Variants in PIKFYVE observed in about 807,000 individuals in gnomAD.
PIKFYVE encodes the protein phosphoinositide kinase, FYVE-type zinc finger containing, also known as 1-phosphatidylinositol 3-phosphate 5-kinase.
In PIKFYVE, 122 loss-of-function variants were observed where a neutral mutation model predicts 257.9. The ratio of observed to expected loss-of-function variants is 0.47; its 90% CI spans 0.41 to 0.55. The LOEUF (loss-of-function observed/expected upper bound fraction) is 0.55, where lower values mean the gene tolerates loss of function less well. Among genes scored for constraint, PIKFYVE ranks in the 20% least tolerant of loss-of-function variants. PIKFYVE has a pLI of 0.00. For synonymous variants in PIKFYVE, 892 were observed against 868.9 expected (o/e 1.03, Z -0.47); for missense variants, 2,160 against 2,536.6 (o/e 0.85, Z 3.19).
Position 208,326,316 on chromosome 2 carries a change from C to T in PIKFYVE, c.3505C>T (p.Pro1169Ser), listed in dbSNP as rs769316348. 1.2e-6 allele frequency: 2 copies of T among 1,609,368 alleles called. No homozygotes were observed. Among genetic ancestry groups the T allele is most frequent in the African/African-American group, 1.3e-5 (1 of 74,686 alleles). Residue 1169 changes from proline (P) to serine (S), a missense_variant, in exon 20 of 42, where the codon CCT becomes TCT. By Grantham distance (74) the Pro-to-Ser change is moderately conservative. Transcript: ENST00000264380. Reference sequence around the variant, plus strand: ...AAGAATTCAGCCCAAAAATTCAGACCCTTTTGCTCATTCAAAGGATGCATC... The same window carrying T: ...AAGAATTCAGCCCAAAAATTCAGACTCTTTTGCTCATTCAAAGGATGCATC... ...GGRIQPKNSD[P>S]FAHSKDASST...
In PIKFYVE at chr2:208,320,376, G is replaced by A. The variant is rs906515839; in HGVS notation, c.2190+17G>A. On this transcript the variant is annotated intron_variant, in intron 17 of 41. Coordinates refer to ENST00000264380, the MANE Select transcript of PIKFYVE (RefSeq NM_015040.4). ...GTGCTTCAGGTAAGAATTTACTACT[G>A]AAAATAATAATTTAGAGGGATGTTT... The A allele has an allele frequency of 3.1e-6, 5 of 1,609,470 alleles. No homozygotes were observed. Among genetic ancestry groups the A allele is most frequent in the Non-Finnish European group, 4.2e-6 (5 of 1,176,796 alleles).
chr2:208,268,454 A>G (rs1688966968), intron 1 of PIKFYVE, among the ~76,000 whole-genome samples: 1 of 147,304 alleles, frequency 6.8e-6, no homozygotes, highest in African/African-American at 2.5e-5. Flanking sequence ...TTCCCTAAAT[A>G]AAATAGAGAT....
intron 36 of PIKFYVE, among the ~76,000 whole-genome samples, 155 bp from the exon 37 acceptor site, chr2:208,350,616 A>G (rs1258269121): frequency 4.6e-5 from 7 of 152,198 alleles, no homozygotes; most frequent in Non-Finnish European, 8.8e-5. Flanking sequence ...GTTTAACAAA[A>G]TTGTGATAAA....
At chr2:208,319,004 T>C (rs1201134327) in intron 16 of PIKFYVE, among the ~76,000 whole-genome samples, 2 of 151,886 alleles carry the variant, frequency 1.3e-5, no homozygotes, top group African/African-American at 2.4e-5. Flanking sequence ...GTGTCATTTG[T>C]TGGTCCTTGC....
intron 32 of PIKFYVE, among the ~76,000 whole-genome samples, chr2:208,343,328 A>G (rs1262011346): frequency 6.6e-6 from 1 of 152,154 alleles, no homozygotes; most frequent in Non-Finnish European, 1.5e-5. Flanking sequence ...TTTTTGTACC[A>G]TTCACTCATT....
At chr2:208,288,275 C>T (rs983413782) in intron 6 of PIKFYVE, among the ~76,000 whole-genome samples, 13 of 152,116 alleles carry the variant, frequency 8.5e-5, no homozygotes, top group Middle Eastern at 3.4e-3. Flanking sequence ...TGAGGTTTAG[C>T]GAGATTAAGT....
chr2:208,290,644 T>C (rs968544274), intron 7 of PIKFYVE, among the ~76,000 whole-genome samples: 3 of 152,202 alleles, frequency 2.0e-5, no homozygotes, highest in African/African-American at 7.2e-5. Flanking sequence ...GGAGCATGAT[T>C]GCTGAGTCCT....
At chr2:208,307,458 C>G (rs1305998504) in intron 12 of PIKFYVE, among the ~76,000 whole-genome samples, 1 of 152,102 alleles carries the variant, frequency 6.6e-6, no homozygotes, top group East Asian at 1.9e-4. Context: ...TTTAGGCAAA[C>G]TGTATGCCAG....
chr2:208,292,322 G>A (rs1353561330), intron 7 of PIKFYVE, among the ~76,000 whole-genome samples: 1 of 152,066 alleles, frequency 6.6e-6, no homozygotes, highest in Non-Finnish European at 1.5e-5. Context: ...CTGATTAATG[G>A]TGTTGTTGAG....
rs761458286 is a variant in PIKFYVE, at chr2:208,325,758, C to T, written c.2947C>T (p.Pro983Ser). 3.7e-6 allele frequency: 6 copies of T among 1,613,662 alleles called. No homozygotes were observed. Among genetic ancestry groups the T allele is most frequent in the Non-Finnish European group, 5.1e-6 (6 of 1,179,818 alleles). ...TGTACCGGAATCATTGTTGCCACTC[C>T]CTGTGGATGACCAACAAGATGCTTT... is the stretch of plus-strand genomic sequence containing the variant. ...APVPESLLPL[P>S]VDDQQDALGS... is the part of the protein sequence containing the mutation. Residue 983 changes from proline to serine, a missense_variant, in exon 20 of 42, where the codon CCT (proline) becomes TCT (serine). Coordinates refer to ENST00000264380, the MANE Select transcript of PIKFYVE (RefSeq NM_015040.4).
intron 7 of PIKFYVE, among the ~76,000 whole-genome samples, chr2:208,293,837 A>G (rs1692626722): frequency 6.6e-6 from 1 of 151,818 alleles, no homozygotes; most frequent in African/African-American, 2.4e-5. Flanking sequence ...CTTTTTCAAG[A>G]TCTTTTTCTT....
chr2:208,291,375 A>G (rs1425148080), intron 7 of PIKFYVE, among the ~76,000 whole-genome samples: 3 of 152,002 alleles, frequency 2.0e-5, no homozygotes, highest in Non-Finnish European at 4.4e-5. Context: ...ATAGTTTTTT[A>G]TACATTGTTG....
rs754947012 is a variant in PIKFYVE, at chr2:208,352,730, A to G, written c.5792A>G (p.Lys1931Arg). The G allele has an allele frequency of 1.2e-6, 2 of 1,613,820 alleles. No homozygotes were observed. Among genetic ancestry groups the G allele is most frequent in the South Asian group, 2.2e-5 (2 of 91,048 alleles). Residue 1931 changes from lysine (K) to arginine (R), a missense_variant, in exon 39 of 42, where the codon AAG becomes AGG. This residue lies in a region of PIKFYVE where 699 missense variants were observed against 855.8 expected (regional missense o/e 0.82). Transcript: ENST00000264380. ...AACTCTCAGAACAACACTGAGAAGA[A>G]GTTAGATCTCCTTGTCATGGAAAAT... ...YKNSQNNTEKKLDLLVMENLF... is the reference protein window; with the variant it reads ...YKNSQNNTEKRLDLLVMENLF...
At chr2:208,314,499 C>T in intron 14 of PIKFYVE, 76 bp downstream of exon 14, 2 of 1,468,074 alleles carry the variant, frequency 1.4e-6, no homozygotes, top group Non-Finnish European at 1.9e-6. Flanking sequence ...ATGCATCATT[C>T]CTCTTAAAAA....
At chr2:208,284,232 T>C (rs1352855526) in intron 5 of PIKFYVE, among the ~76,000 whole-genome samples, 2 of 151,954 alleles carry the variant, frequency 1.3e-5, no homozygotes, top group Non-Finnish European at 2.9e-5. Context: ...TAACCTTGTT[T>C]GTCCTCTCAA....
At chr2:208,303,896 G>A (rs1295328746) in intron 10 of PIKFYVE, among the ~76,000 whole-genome samples, 1 of 152,126 alleles carries the variant, frequency 6.6e-6, no homozygotes, top group Non-Finnish European at 1.5e-5. Flanking sequence ...CAGGACTAAG[G>A]CATGAAATGA....
At chr2:208,272,791 A>G (rs985076421) in intron 2 of PIKFYVE, among the ~76,000 whole-genome samples, 7 of 149,090 alleles carry the variant, frequency 4.7e-5, no homozygotes, top group African/African-American at 1.8e-4. Flanking sequence ...AGACAATGAT[A>G]CTTAAAAAAA....
At chr2:208,302,180 T>C (rs1199114707) in intron 9 of PIKFYVE, 62 bp from the exon 10 acceptor site, 8 of 1,374,178 alleles carry the variant, frequency 5.8e-6, no homozygotes, top group Non-Finnish European at 8.3e-6. Flanking sequence ...TTGTGTCTTA[T>C]CTGGTACTTA....
rs189462044 is a variant in PIKFYVE at position 208,294,043 on chromosome 2, T to C, written c.912-4598T>C. Among the ~76,000 whole-genome samples, 8 of 152,294 alleles carry C rather than the reference T, an allele frequency of 5.3e-5. No individual in the cohort carries two copies. The East Asian group carries it at 1.5e-3, about 29-fold the overall frequency. On this transcript the variant is annotated intron_variant, in intron 7 of 41. Transcript: ENST00000264380. ...TTCTCTCTTTCTTCTTTTTTCGGTA[T>C]TCCCATTACATTTATATTATACCTT...
Sources: gnomAD v4.1 joint callset for allele counts (sites outside exome capture counted in the v4.1 genomes callset) on GRCh38, gnomAD v4.1.1 for gene constraint, gnomAD v4.1.1 regional missense constraint, MANE v1.5 for transcripts, NCBI Gene and HGNC (gene_info 2026-07-23, HGNC 2026-07-21) for gene names.